Variants in SPATA22 observed in about 807,000 individuals in gnomAD.
SPATA22 encodes spermatogenesis associated 22, also known as spermatogenesis-associated protein 22.
In SPATA22, 29 loss-of-function variants were observed where a neutral mutation model predicts 47.8. The ratio of observed to expected loss-of-function variants is 0.61; its 90% CI spans 0.45 to 0.83. The LOEUF (loss-of-function observed/expected upper bound fraction) is 0.83. SPATA22 is among the 40% of genes least tolerant of loss of function. The pLI is 0.00. For synonymous variants in SPATA22, 133 were observed against 140.9 expected (o/e 0.94, Z 0.40); for missense variants, 410 against 421.7 (o/e 0.97, Z 0.24).
At chr17:3,496,068 A>G (rs12051797) in intron 1 of SPATA22, among the ~76,000 whole-genome samples, 17,567 of 152,216 alleles carry the variant, frequency 0.12, 2,142 homozygotes, top group East Asian at 0.62. Context: ...GATGAATGAG[A>G]TCAGTAGCAA....
intron 6 of SPATA22, among the ~76,000 whole-genome samples, chr17:3,447,453 T>A (rs1219067181): frequency 1.0e-5 from 1 of 99,734 alleles, no homozygotes; most frequent in African/African-American, 2.8e-5. Context: ...CTCCTGTTGA[T>A]GATGGCCACA....
At chr17:3,484,260 T>C (rs902383560) in intron 1 of SPATA22, among the ~76,000 whole-genome samples, 1 of 152,214 alleles carries the variant, frequency 6.6e-6, no homozygotes, top group African/African-American at 2.4e-5. Context: ...CTAATATTTA[T>C]AGTGTGCCTA....
At chr17:3,499,268 T>G (rs768368098) in intron 1 of SPATA22, 51 of 540,596 alleles carry the variant, frequency 9.4e-5, no homozygotes, top group Non-Finnish European at 5.1e-5. Context: ...GATATCATAT[T>G]TTATGTATGT....
intron 1 of SPATA22, among the ~76,000 whole-genome samples, chr17:3,478,610 A>T (rs1043569707): frequency 2.0e-5 from 3 of 152,222 alleles, no homozygotes; most frequent in African/African-American, 2.4e-5. Flanking sequence ...GGGTGAGTTT[A>T]TGAGCACCCA....
intron 1 of SPATA22, among the ~76,000 whole-genome samples, chr17:3,510,329 G>T (rs1377715839): frequency 6.6e-6 from 1 of 152,150 alleles, no homozygotes; most frequent in Non-Finnish European, 1.5e-5. Context: ...ATGCAAATAC[G>T]TACAAAGGTG....
At position 3,504,742 on chromosome 17, in the gene SPATA22, A is replaced by G. The variant is rs182575734; in HGVS notation, c.-74+8670T>C. 3.5e-3 allele frequency among the ~76,000 whole-genome samples: 533 copies of G among 152,124 alleles called. 1 individual carries two copies. The highest frequency in any genetic ancestry group is 5.6e-3 in the Non-Finnish European group (382 of 67,980). On this transcript the variant is annotated intron_variant, in intron 1 of 8. Coordinates refer to the SPATA22 transcript ENST00000541913. ...CTGGCTAATTTTGTATTTTTTTAGT[A>G]GAGACGGGGTTTCTCCATGTTGGTC...
intron 1 of SPATA22, chr17:3,501,948 A>C (rs2073995003): frequency 1.3e-5 from 1 of 79,524 alleles, no homozygotes; most frequent in South Asian, 4.6e-4. Flanking sequence ...GCAAGCCTCC[A>C]TCTCAAAAAA....
rs2073342008 is a variant in SPATA22 at position 3,467,491 on chromosome 17, G to A, written c.107C>T (p.Pro36Leu). The part of the protein sequence containing the change: ...KRNRQPLTSN[P>L]LKDDSGISTP... Reference sequence around the variant, plus strand: ...ACTGATACCTGAATCATCTTTAAGTGGATTAGAAGTTAATGGCTGTCTGTT... The same window carrying A: ...ACTGATACCTGAATCATCTTTAAGTAGATTAGAAGTTAATGGCTGTCTGTT... The change falls in exon 3 of 9, where the codon CCA becomes CTA. Residue 36 changes from proline to leucine, a missense_variant. By Grantham distance (98) the Pro-to-Leu change is moderately conservative. Transcript: ENST00000572969. The A allele has an allele frequency of 6.2e-7, 1 of 1,609,974 alleles. No individual in the cohort carries two copies. The highest frequency in any genetic ancestry group is 1.3e-5 in the African/African-American group (1 of 74,800).
rs576744769 is a variant in SPATA22, at chr17:3,470,746, G to A, written c.-74+936C>T. Among the ~76,000 whole-genome samples the A allele has an allele frequency of 1.8e-4, 15 of 82,606 alleles. No individual in the cohort carries two copies. The East Asian group carries it at 4.1e-3, about 23-fold the overall frequency. 54.2% of individuals were successfully genotyped at this position (82,606 alleles called of 152,430 possible). A position where few individuals can be genotyped will look rare whatever the true frequency, so the allele number is the denominator to read the frequency against. On this transcript the variant is annotated intron_variant, in intron 1 of 8. Transcript: ENST00000572969. ...AGCCTGGGCGACAGAGCGAGACTCCGTCTCAAAAAAAAAAGAAAAAAAAAC... is the reference window on the plus strand; with the variant it reads ...AGCCTGGGCGACAGAGCGAGACTCCATCTCAAAAAAAAAAGAAAAAAAAAC...
intron 3 of SPATA22, among the ~76,000 whole-genome samples, chr17:3,464,753 CGTCTG>C (rs2073238558): frequency 8.1e-6 from 1 of 123,366 alleles, no homozygotes; most frequent in African/African-American, 3.0e-5. Flanking sequence ...GCAACCGCCC[CGTCTG>C]AGAAGTGAGG....
intron 1 of SPATA22, chr17:3,481,869 C>A: frequency 2.2e-6 from 3 of 1,362,602 alleles, no homozygotes; most frequent in Non-Finnish European, 2.0e-6. Context: ...GGATGTGAGA[C>A]AATCAGAAAA....
At chr17:3,472,370 C>T (rs1479892544), upstream of SPATA22, 6 of 152,358 alleles carry the variant, frequency 3.9e-5, no homozygotes, top group African/African-American at 1.4e-4. Context: ...CAGAGACGCT[C>T]TGCAGGGGAA....
chr17:3,456,639 T>C (rs1472907342), intron 5 of SPATA22, among the ~76,000 whole-genome samples: 2 of 152,182 alleles, frequency 1.3e-5, no homozygotes, highest in Admixed American at 1.3e-4. Flanking sequence ...GCTGGTACCA[T>C]TCCTTCTGAA....
At position 3,498,916 on chromosome 17, in the gene SPATA22, C is replaced by G. The variant is rs377217076; in HGVS notation, c.-74+14496G>C. The G allele has an allele frequency of 6.2e-6, 10 of 1,605,146 alleles. No individual in the cohort carries two copies. The highest frequency in any genetic ancestry group is 7.7e-6 in the Non-Finnish European group (9 of 1,174,752). On this transcript the variant is annotated intron_variant, in intron 1 of 8. Transcript: ENST00000541913. ...GATCAAGACTGGAAACCACTGCATC[C>G]TGGGGATCCCATGTTTTTAACTCTT...
intron 7 of SPATA22, among the ~76,000 whole-genome samples, chr17:3,445,168 CAG>C (rs1352261225): frequency 6.6e-6 from 1 of 152,082 alleles, no homozygotes; most frequent in Non-Finnish European, 1.5e-5. Context: ...GGAAGTCCAA[CAG>C]GGGTTAAGAT....
chr17:3,466,366 C>A (rs940162322), intron 3 of SPATA22, among the ~76,000 whole-genome samples: 1 of 151,996 alleles, frequency 6.6e-6, no homozygotes, highest in Non-Finnish European at 1.5e-5. Context: ...CAACAACAAC[C>A]ATTAAGACCT....
chr17:3,448,007 CACATA>C (rs1468677466), intron 6 of SPATA22, among the ~76,000 whole-genome samples: 2 of 152,162 alleles, frequency 1.3e-5, no homozygotes, highest in Non-Finnish European at 2.9e-5. Context: ...ATAACCAGCA[CACATA>C]ATATATAAAT....
chr17:3,465,165 G>A (rs2073266049), intron 3 of SPATA22, among the ~76,000 whole-genome samples: 2 of 135,776 alleles, frequency 1.5e-5, no homozygotes, highest in African/African-American at 2.8e-5. Context: ...GGGGGGGTCA[G>A]CCCCCCGCCC....
intron 1 of SPATA22, chr17:3,511,352 AT>A (rs1460096356): frequency 6.6e-6 from 1 of 152,236 alleles, no homozygotes; most frequent in African/African-American, 2.4e-5. Context: ...CTTTTTAAAA[AT>A]AAATAAATAA....
Sources: allele counts gnomAD v4.1 joint callset (sites outside exome capture counted in the v4.1 genomes callset), GRCh38; gene constraint gnomAD v4.1.1; transcripts MANE v1.5; gene names NCBI Gene and HGNC (gene_info 2026-07-23, HGNC 2026-07-21).